Variants in TASP1 observed in about 807,000 individuals in gnomAD.
TASP1 encodes taspase 1.
Under a neutral mutation model 56.6 loss-of-function variants are expected in TASP1, and 16 were observed. The ratio of observed to expected loss-of-function variants is 0.28; its 90% CI spans 0.19 to 0.43. The LOEUF (loss-of-function observed/expected upper bound fraction) is 0.43, where lower values mean the gene tolerates loss of function less well. Among genes scored for constraint, TASP1 ranks in the 20% least tolerant of loss-of-function variants. The pLI, the probability that TASP1 is intolerant of heterozygous loss-of-function variation, is 1.00. For synonymous variants in TASP1, 179 were observed against 184.2 expected (o/e 0.97, Z 0.23); for missense variants, 393 against 511.6 (o/e 0.77, Z 2.24).
chr20:13,364,559 C>T, the TASP1 span, among the ~76,000 whole-genome samples: 30 of 152,180 alleles, frequency 2.0e-4, no homozygotes, highest in Middle Eastern at 3.4e-3. Context: ...TCAAGGTCCA[C>T]CTGATATATA....
At chr20:13,350,893 G>T in the TASP1 span, among the ~76,000 whole-genome samples, 1 of 150,898 alleles carries the variant, frequency 6.6e-6, no homozygotes, top group Non-Finnish European at 1.5e-5. Context: ...TAGAGATGAG[G>T]TCTCACTATG....
chr20:13,512,344 A>C (rs6134898), intron 10 of TASP1, among the ~76,000 whole-genome samples: 29,467 of 150,506 alleles, frequency 0.2, 3,128 homozygotes, highest in Middle Eastern at 0.26. Flanking sequence ...ATTTGCATTT[A>C]TCTGATAAGC....
At chr20:13,205,293 G>A in the TASP1 span, among the ~76,000 whole-genome samples, 30 of 152,190 alleles carry the variant, frequency 2.0e-4, no homozygotes, top group South Asian at 2.7e-3. Context: ...GTTTTAAGTG[G>A]TGGATCTTTT....
chr20:13,363,988 G>A, the TASP1 span, among the ~76,000 whole-genome samples: 7 of 151,972 alleles, frequency 4.6e-5, no homozygotes, highest in African/African-American at 7.3e-5. Flanking sequence ...TTCCTATGAG[G>A]AGATTTGTAT....
chr20:13,115,725 A>G, the TASP1 span, among the ~76,000 whole-genome samples: 1 of 152,046 alleles, frequency 6.6e-6, no homozygotes, highest in East Asian at 1.9e-4. Flanking sequence ...CGTTGCAACC[A>G]TTTCCTCCTA....
At chr20:13,493,206 G>A (rs16994022) in intron 10 of TASP1, among the ~76,000 whole-genome samples, 3,326 of 152,118 alleles carry the variant, frequency 0.022, 118 homozygotes, top group African/African-American at 0.071. Flanking sequence ...TAGTGAAAAC[G>A]CTTCATCCCG....
chr20:13,438,396 A>C (rs960387482), intron 11 of TASP1, among the ~76,000 whole-genome samples: 2,332 of 152,294 alleles, frequency 0.015, 63 homozygotes, highest in African/African-American at 0.05. Flanking sequence ...CAAAAACAAG[A>C]AATGGGGAAA....
Position 13,584,119 on chromosome 20 carries a change from T to C in TASP1, c.403+3131A>G, listed in dbSNP as rs1305699616. On this transcript the variant is annotated intron_variant, in intron 5 of 13. Coordinates refer to ENST00000337743, the MANE Select transcript of TASP1 (RefSeq NM_017714.3). ...AAATAAATAAATATGTAAACCACTGTAGAACAATGCCTACGGTATTACTGT... is the reference window on the plus strand; with the variant it reads ...AAATAAATAAATATGTAAACCACTGCAGAACAATGCCTACGGTATTACTGT... Among the ~76,000 whole-genome samples, 6 of 152,084 alleles carry C rather than the reference T, an allele frequency of 3.9e-5. No homozygotes were observed. In the East Asian group the frequency reaches 1.2e-3, roughly 29 times the overall value.
chr20:13,288,193 G>C, the TASP1 span, among the ~76,000 whole-genome samples: 2 of 152,208 alleles, frequency 1.3e-5, no homozygotes, highest in African/African-American at 4.8e-5. Context: ...ATGTCAATGA[G>C]AGGCTATAAG....
chr20:13,436,346 T>TA (rs1383377181), intron 11 of TASP1, among the ~76,000 whole-genome samples: 1 of 144,422 alleles, frequency 6.9e-6, no homozygotes, highest in African/African-American at 2.8e-5. Flanking sequence ...TAAAGGGTTG[T>TA]TTTAAAAAAA....
chr20:13,289,579 A>T, the TASP1 span, among the ~76,000 whole-genome samples: 1 of 152,104 alleles, frequency 6.6e-6, no homozygotes, highest in African/African-American at 2.4e-5. Flanking sequence ...TGTGTGTCCC[A>T]TACATTTTTA....
chr20:13,406,671 T>C (rs1462299373), intron 13 of TASP1, among the ~76,000 whole-genome samples: 1 of 146,482 alleles, frequency 6.8e-6, no homozygotes, highest in Non-Finnish European at 1.5e-5. Context: ...GTTTTTTCTT[T>C]TTTTTTTTTT....
At chr20:13,557,617 A>C (rs2046208839) in intron 8 of TASP1, among the ~76,000 whole-genome samples, 1 of 118,668 alleles carries the variant, frequency 8.4e-6, no homozygotes, top group Non-Finnish European at 1.6e-5. Flanking sequence ...GTCTCACTCC[A>C]TCACCCAGGC....
At chr20:13,393,277 C>T in intron 13 of TASP1, 1 of 746,482 alleles carries the variant, frequency 1.3e-6, no homozygotes, top group Non-Finnish European at 2.5e-6. Context: ...GGCTGTGTGG[C>T]TCTCCAGAAC....
chr20:13,160,933 G>A, the TASP1 span, among the ~76,000 whole-genome samples: 74 of 152,244 alleles, frequency 4.9e-4, no homozygotes, highest in African/African-American at 1.4e-3. Flanking sequence ...AAAGCTTATC[G>A]AGCATCATTC....
intron 4 of TASP1, among the ~76,000 whole-genome samples, chr20:13,600,917 C>T (rs146505951): frequency 8.5e-5 from 13 of 152,258 alleles, no homozygotes; most frequent in African/African-American, 3.1e-4. Context: ...AAATACTATT[C>T]TCCAATAAGG....
At chr20:13,473,898 C>A (rs923210476) in intron 11 of TASP1, among the ~76,000 whole-genome samples, 1 of 152,038 alleles carries the variant, frequency 6.6e-6, no homozygotes, top group Non-Finnish European at 1.5e-5. Context: ...CATAGTGAGA[C>A]CCTGTCTCCA....
At chr20:13,220,486 C>A in the TASP1 span, among the ~76,000 whole-genome samples, 2 of 152,228 alleles carry the variant, frequency 1.3e-5, no homozygotes, top group Admixed American at 6.5e-5. Flanking sequence ...CCCCTCTGGG[C>A]GCGGCACCCC....
chr20:13,136,000 G>C, the TASP1 span, among the ~76,000 whole-genome samples: 153 of 152,304 alleles, frequency 1.0e-3, no homozygotes, highest in South Asian at 0.014. Context: ...ACTTACAAGA[G>C]AAAAGGTATA....
Sources: allele counts gnomAD v4.1 joint callset (sites outside exome capture counted in the v4.1 genomes callset), GRCh38; gene constraint gnomAD v4.1.1; transcripts MANE v1.5; gene names NCBI Gene and HGNC (gene_info 2026-07-23, HGNC 2026-07-21).